The following PPARGC1B variants were observed in gnomAD, a reference collection of about 807,000 sequenced individuals.
PPARGC1B encodes the protein PPARG coactivator 1 beta.
In PPARGC1B, 34 loss-of-function variants were observed where a neutral mutation model predicts 101.6. That is an observed-to-expected ratio of 0.33 (90% confidence interval 0.25 to 0.45). The LOEUF (loss-of-function observed/expected upper bound fraction) is 0.45. Among genes scored for constraint, PPARGC1B ranks in the 20% least tolerant of loss-of-function variants. The pLI is 1.00. For synonymous variants in PPARGC1B, 548 were observed against 539.3 expected, an observed-to-expected ratio of 1.02 and a Z score of -0.22; for missense variants, 1,234 against 1,317.6, an observed-to-expected ratio of 0.94 and a Z score of 0.98.
chr5:149,763,525 GGT>G (rs1491481937), intron 1 of PPARGC1B, among the ~76,000 whole-genome samples: 17 of 123,736 alleles, frequency 1.4e-4, no homozygotes, highest in Non-Finnish European at 2.3e-4. Context: ...ATTCACTCCT[GGT>G]TTTTTTTTTT....
chr5:149,730,568 C>A lies in PPARGC1B; in HGVS notation c.78+148C>A. 1 of 578,292 alleles carries A rather than the reference C, an allele frequency of 1.7e-6. No individual in the cohort carries two copies. Among genetic ancestry groups the A allele is most frequent in the Non-Finnish European group, 2.9e-6 (1 of 344,654 alleles). The allele number at this position is 578,292 out of a possible 1,614,324, so 35.8% of individuals were successfully genotyped here. On this transcript the variant is annotated intron_variant, in intron 1 of 11. Transcript: ENST00000309241. The surrounding 1 kb of genome is among the most constrained non-coding windows in gnomAD (Gnocchi z 4.0). ...CAGAGCCCCCCTTCCAGGCGCCCTG[C>A]GATGCGCTCCGTTACCGGGGCAGGG...
intron 1 of PPARGC1B, among the ~76,000 whole-genome samples, chr5:149,765,166 G>T (rs747015229): frequency 1.3e-5 from 2 of 152,284 alleles, no homozygotes; most frequent in Non-Finnish European, 2.9e-5. Flanking sequence ...CTCCTGCCGT[G>T]TGACTTGGGT....
chr5:149,817,581 G>T, intron 1 of PPARGC1B: 1 of 377,444 alleles, frequency 2.6e-6, no homozygotes, highest in Non-Finnish European at 5.3e-6. Flanking sequence ...AGTCTAGAAT[G>T]AAATATTTAC....
chr5:149,807,851 A>G (rs942715337), intron 1 of PPARGC1B, among the ~76,000 whole-genome samples: 7 of 152,190 alleles, frequency 4.6e-5, no homozygotes, highest in African/African-American at 1.7e-4. Context: ...ACATGGTCCC[A>G]TTTTAGTCAC....
In PPARGC1B at chr5:149,799,197, A is replaced by G. The variant is rs577201120; in HGVS notation, c.79-21236A>G. ...TGGTGGCTTTATTTCACACACCTCTATATTTAATAAGCAGGACCATGACGA... is the reference window on the plus strand; with the variant it reads ...TGGTGGCTTTATTTCACACACCTCTGTATTTAATAAGCAGGACCATGACGA... On this transcript the variant is annotated intron_variant, in intron 1 of 11. Transcript: ENST00000309241. 4.6e-5 allele frequency among the ~76,000 whole-genome samples: 7 copies of G among 152,308 alleles called. No homozygotes were observed. In the South Asian group the frequency reaches 1.0e-3, roughly 23 times the overall value.
At chr5:149,775,265 G>T (rs1756313829) in intron 1 of PPARGC1B, among the ~76,000 whole-genome samples, 5 of 152,182 alleles carry the variant, frequency 3.3e-5, no homozygotes, top group Non-Finnish European at 5.9e-5. Flanking sequence ...AGGGCATAGT[G>T]GTAATAGGAG....
At chr5:149,752,753 C>T (rs866793897) in intron 1 of PPARGC1B, among the ~76,000 whole-genome samples, 5 of 152,110 alleles carry the variant, frequency 3.3e-5, no homozygotes, top group African/African-American at 4.8e-5. Context: ...CGCTTGAACC[C>T]GGGAGACGGA....
intron 1 of PPARGC1B, among the ~76,000 whole-genome samples, chr5:149,808,735 T>C (rs1757690738): frequency 6.6e-6 from 1 of 152,186 alleles, no homozygotes; most frequent in Admixed American, 6.5e-5. Context: ...AAGACACTCA[T>C]TTTGTTTCTT....
At chr5:149,840,212 G>GA (rs1759278440) in intron 9 of PPARGC1B, 96 bp downstream of exon 9, 11 of 1,150,900 alleles carry the variant, frequency 9.6e-6, no homozygotes, top group African/African-American at 1.6e-5. Flanking sequence ...GCTGGCTGGT[G>GA]AGCCCCTCAG....
intron 1 of PPARGC1B, among the ~76,000 whole-genome samples, chr5:149,780,873 G>T (rs1336976997): frequency 6.6e-6 from 1 of 152,222 alleles, no homozygotes; most frequent in Non-Finnish European, 1.5e-5. Context: ...GCACTGGTAA[G>T]TGGAGGTCAG....
At chr5:149,839,335 GCTGT>G (rs748690390) in intron 8 of PPARGC1B, among the ~76,000 whole-genome samples, 2 of 152,190 alleles carry the variant, frequency 1.3e-5, no homozygotes, top group Non-Finnish European at 2.9e-5. Flanking sequence ...TCAAACTCAA[GCTGT>G]CTGACTCACA....
chr5:149,815,832 C>T (rs1378210023), intron 1 of PPARGC1B, among the ~76,000 whole-genome samples: 1 of 152,178 alleles, frequency 6.6e-6, no homozygotes, highest in Non-Finnish European at 1.5e-5. Flanking sequence ...CAGGTGTGAG[C>T]CACCGCGCCT....
At chr5:149,826,527 G>T in intron 2 of PPARGC1B, 146 bp from the exon 3 acceptor site, 1 of 652,112 alleles carries the variant, frequency 1.5e-6, no homozygotes, top group Non-Finnish European at 2.8e-6. Context: ...GCTCTGCTGG[G>T]TGGGCAGAGG....
At chr5:149,766,915 G>A (rs768171930) in intron 1 of PPARGC1B, among the ~76,000 whole-genome samples, 4 of 152,218 alleles carry the variant, frequency 2.6e-5, no homozygotes, top group Non-Finnish European at 4.4e-5. Flanking sequence ...TCTGGAACCA[G>A]CCCAGAGGGG....
intron 7 of PPARGC1B, among the ~76,000 whole-genome samples, chr5:149,835,973 T>C (rs1759054383): frequency 1.3e-5 from 2 of 151,156 alleles, no homozygotes; most frequent in Admixed American, 1.3e-4. Context: ...TTTTTTTTTT[T>C]TTGAGACATA....
intron 11 of PPARGC1B, chr5:149,846,329 T>C (rs1164612609): frequency 8.7e-6 from 3 of 345,968 alleles, no homozygotes; most frequent in African/African-American, 6.2e-5. Flanking sequence ...GACAAAGAAG[T>C]ACAATGTACG....
intron 11 of PPARGC1B, 81 bp from the exon 12 acceptor site, chr5:149,847,377 T>C (rs1185125578): frequency 4.8e-6 from 5 of 1,039,530 alleles, no homozygotes; most frequent in Non-Finnish European, 7.6e-6. Flanking sequence ...CCACTCATAG[T>C]GGCAGATTCT....
intron 1 of PPARGC1B, among the ~76,000 whole-genome samples, chr5:149,736,943 G>C (rs2113071975): frequency 6.6e-6 from 1 of 152,054 alleles, no homozygotes; most frequent in South Asian, 2.1e-4. Flanking sequence ...TGCCACCCCA[G>C]AGTCTGTAGT....
chr5:149,801,649 T>A (rs1040477567), intron 1 of PPARGC1B, among the ~76,000 whole-genome samples: 3 of 152,018 alleles, frequency 2.0e-5, no homozygotes, highest in Admixed American at 2.0e-4. Context: ...GCCAGTGGGG[T>A]CAGGTCTGTG....
Sources: gnomAD v4.1 joint callset for allele counts (sites outside exome capture counted in the v4.1 genomes callset) on GRCh38, gnomAD v4.1.1 for gene constraint, Gnocchi (gnomAD v3.1) non-coding constraint, MANE v1.5 for transcripts, NCBI Gene and HGNC (gene_info 2026-07-23, HGNC 2026-07-21) for gene names.